The following ASTN2 variants were observed in gnomAD, a reference collection of about 807,000 sequenced individuals.
ASTN2 encodes the protein astrotactin-2.
In ASTN2, 54 loss-of-function variants were observed where a neutral mutation model predicts 139.8. The observed-to-expected ratio is 0.39, with a 90% CI of 0.31 to 0.48. The LOEUF is 0.48. ASTN2 is among the 20% of genes least tolerant of loss of function. ASTN2 has a pLI of 0.95. For synonymous variants in ASTN2, 756 were observed against 719.5 expected (o/e 1.05, Z -0.81); for missense variants, 1,565 against 1,725.1 (o/e 0.91, Z 1.64).
chr9:116,939,788 C>T (rs1363743671), intron 10 of ASTN2, among the ~76,000 whole-genome samples: 3 of 152,162 alleles, frequency 2.0e-5, no homozygotes, highest in African/African-American at 7.2e-5. Context: ...CACAATGACT[C>T]AGGTGGAAAA....
At chr9:116,866,057 T>C (rs537861621) in intron 10 of ASTN2, among the ~76,000 whole-genome samples, 78 of 152,280 alleles carry the variant, frequency 5.1e-4, no homozygotes, top group African/African-American at 1.7e-3. Flanking sequence ...ATTAATTCCT[T>C]TTCCCTGTGA....
At chr9:116,574,058 T>C (rs1385620119) in intron 19 of ASTN2, among the ~76,000 whole-genome samples, 1 of 152,214 alleles carries the variant, frequency 6.6e-6, no homozygotes, top group Admixed American at 6.5e-5. Flanking sequence ...AAGTGAATTT[T>C]AGCTATGCTT....
intron 1 of ASTN2, among the ~76,000 whole-genome samples, chr9:117,362,201 T>C (rs1318099695): frequency 6.6e-6 from 1 of 152,176 alleles, no homozygotes; most frequent in Non-Finnish European, 1.5e-5. Flanking sequence ...CTCAAACTCC[T>C]GATCTCAGGT....
At chr9:116,713,890 G>A (rs1471874833) in intron 16 of ASTN2, among the ~76,000 whole-genome samples, 2 of 152,136 alleles carry the variant, frequency 1.3e-5, no homozygotes, top group East Asian at 1.9e-4. Context: ...ATAAGGACTT[G>A]GAAGTCAGAC....
At chr9:117,016,778 A>ATATATAGGT (rs1564386296) in intron 6 of ASTN2, among the ~76,000 whole-genome samples, 51 of 100,630 alleles carry the variant, frequency 5.1e-4, no homozygotes, top group East Asian at 2.6e-3. Context: ...TATAGGTTTT[A>ATATATAGGT]TATATATAGG....
intron 11 of ASTN2, among the ~76,000 whole-genome samples, chr9:116,839,605 G>GAGTTGCTGGAATTAC (rs1832129500): frequency 3.3e-5 from 5 of 151,750 alleles, no homozygotes; most frequent in Admixed American, 3.3e-4. Context: ...TTGGCCTCCC[G>GAGTTGCTGGAATTAC]AGTTGCTGGA....
chr9:116,563,851 A>C (rs144498658), intron 19 of ASTN2, among the ~76,000 whole-genome samples: 2 of 152,322 alleles, frequency 1.3e-5, no homozygotes, highest in Non-Finnish European at 2.9e-5. Context: ...GAAGACAAGG[A>C]GTTTTCTCTC....
At chr9:116,685,890 T>C (rs1383438207) in intron 16 of ASTN2, among the ~76,000 whole-genome samples, 5 of 151,960 alleles carry the variant, frequency 3.3e-5, no homozygotes, top group African/African-American at 1.2e-4. Context: ...TATACACACA[T>C]ATATAATATG....
At chr9:117,299,490 A>G (rs1834823088) in intron 1 of ASTN2, among the ~76,000 whole-genome samples, 1 of 152,240 alleles carries the variant, frequency 6.6e-6, no homozygotes. Context: ...CAAGATTTCA[A>G]CAAATGGCTG....
chr9:117,012,895 G>A (rs1837573633), intron 6 of ASTN2, among the ~76,000 whole-genome samples: 1 of 152,192 alleles, frequency 6.6e-6, no homozygotes, highest in Admixed American at 6.5e-5. Context: ...ATATGGCTAT[G>A]CGCCAAGCCC....
intron 17 of ASTN2, among the ~76,000 whole-genome samples, chr9:116,651,003 C>T (rs1857880025): frequency 6.6e-6 from 1 of 151,858 alleles, no homozygotes; most frequent in African/African-American, 2.4e-5. Flanking sequence ...GCAACCTCCA[C>T]CTCCCAGGTT....
At chr9:117,268,225 G>A (rs1329016613) in intron 2 of ASTN2, among the ~76,000 whole-genome samples, 2 of 152,094 alleles carry the variant, frequency 1.3e-5, no homozygotes, top group South Asian at 2.1e-4. Context: ...GCGTTCATCA[G>A]TCCCCAGCCC....
At chr9:117,186,818 T>C (rs573442464) in intron 3 of ASTN2, among the ~76,000 whole-genome samples, 162 of 152,162 alleles carry the variant, frequency 1.1e-3, no homozygotes, top group African/African-American at 3.7e-3. Context: ...ATACTTATAA[T>C]GGGTCAAATG....
chr9:116,662,622 C>G (rs1463451893), intron 16 of ASTN2, among the ~76,000 whole-genome samples: 1 of 152,070 alleles, frequency 6.6e-6, no homozygotes, highest in African/African-American at 2.4e-5. Flanking sequence ...TTAATAGCCA[C>G]CCAAAACATG....
intron 10 of ASTN2, among the ~76,000 whole-genome samples, chr9:116,948,802 T>TTTTTTTTTTTTTTTTTC (rs1835476853): frequency 7.7e-6 from 1 of 130,648 alleles, no homozygotes; most frequent in Non-Finnish European, 1.6e-5. Flanking sequence ...TTTTTTTTTT[T>TTTTTTTTTTTTTTTTTC]TTTTTTTTGA....
chr9:116,852,411 C>T (rs1832630436), intron 11 of ASTN2, among the ~76,000 whole-genome samples: 1 of 152,168 alleles, frequency 6.6e-6, no homozygotes, highest in African/African-American at 2.4e-5. Flanking sequence ...ATGGACAAGT[C>T]TATTCTTTTT....
chr9:117,314,521 C>G (rs1461214324), intron 1 of ASTN2, among the ~76,000 whole-genome samples: 1 of 150,712 alleles, frequency 6.6e-6, no homozygotes, highest in Non-Finnish European at 1.5e-5. Flanking sequence ...CTACCCAGAT[C>G]TAAACCAAGT....
intron 7 of ASTN2, among the ~76,000 whole-genome samples, chr9:116,998,677 A>C (rs1288915916): frequency 6.6e-6 from 1 of 152,186 alleles, no homozygotes; most frequent in African/African-American, 2.4e-5. Flanking sequence ...AGCAAAGACC[A>C]AGACTTTTAT....
At chr9:117,019,368 G>A (rs1438021417) in intron 6 of ASTN2, among the ~76,000 whole-genome samples, 1 of 151,938 alleles carries the variant, frequency 6.6e-6, no homozygotes, top group Non-Finnish European at 1.5e-5. Flanking sequence ...GACTACATGG[G>A]GCCAAGCATC....
Sources: gnomAD v4.1 joint callset for allele counts (sites outside exome capture counted in the v4.1 genomes callset) on GRCh38, gnomAD v4.1.1 for gene constraint, MANE v1.5 for transcripts, NCBI Gene and HGNC (gene_info 2026-07-23, HGNC 2026-07-21) for gene names.